The following FBXL17 variants were observed in gnomAD, a reference collection of about 807,000 sequenced individuals.
FBXL17 encodes F-box and leucine rich repeat protein 17, also known as F-box/LRR-repeat protein 17.
In FBXL17, 22 loss-of-function variants were observed where a neutral mutation model predicts 66.2. The observed-to-expected ratio is 0.33, with a 90% CI of 0.24 to 0.47. FBXL17 has a LOEUF of 0.47. Ranked by LOEUF, FBXL17 falls within the 20% of genes least tolerant of loss-of-function variation. The probability of loss-of-function intolerance (pLI) is 1.00; values close to 1 mark genes in which losing one functional copy is unlikely to be tolerated. For synonymous variants in FBXL17, 474 were observed against 400.5 expected (o/e 1.18, Z -2.19); for missense variants, 878 against 948.2 (o/e 0.93, Z 0.97).
At chr5:108,321,372 T>G (rs528725246) in intron 4 of FBXL17, among the ~76,000 whole-genome samples, 1 of 151,996 alleles carries the variant, frequency 6.6e-6, no homozygotes, top group African/African-American at 2.4e-5. Context: ...AAACGACTTC[T>G]TTCCAAGTAC....
chr5:108,321,371 C>A (rs17161236), intron 4 of FBXL17, among the ~76,000 whole-genome samples: 6,531 of 151,858 alleles, frequency 0.043, 759 homozygotes, highest in East Asian at 0.39. Flanking sequence ...AAAACGACTT[C>A]TTTCCAAGTA....
intron 5 of FBXL17, among the ~76,000 whole-genome samples, chr5:108,189,070 G>A (rs1465385048): frequency 1.3e-5 from 2 of 152,126 alleles, no homozygotes; most frequent in Non-Finnish European, 1.5e-5. Context: ...GGAGCAAAAT[G>A]GAAGGCCAAC....
intron 7 of FBXL17, among the ~76,000 whole-genome samples, chr5:107,909,790 G>A (rs1225669947): frequency 2.6e-5 from 4 of 152,248 alleles, no homozygotes; most frequent in Non-Finnish European, 4.4e-5. Flanking sequence ...GAGCCAGGCC[G>A]TCAGAATGCA....
chr5:108,293,154 T>C (rs1758192042), intron 4 of FBXL17, among the ~76,000 whole-genome samples: 1 of 151,834 alleles, frequency 6.6e-6, no homozygotes, highest in African/African-American at 2.4e-5. Context: ...CCTATATTAG[T>C]TTCTTATTAG....
intron 7 of FBXL17, among the ~76,000 whole-genome samples, chr5:108,013,120 C>A (rs1754248665): frequency 6.7e-6 from 1 of 149,660 alleles, no homozygotes; most frequent in South Asian, 2.1e-4. Context: ...TCTATTTTAT[C>A]TTTATTATTA....
intron 7 of FBXL17, among the ~76,000 whole-genome samples, chr5:107,992,089 TG>T (rs2112694794): frequency 6.2e-5 from 1 of 16,030 alleles, no homozygotes; most frequent in Admixed American, 3.6e-4. Flanking sequence ...TCATATTAAT[TG>T]TGTGTGTGTG....
At chr5:108,097,836 GTC>G (rs1444887346) in intron 6 of FBXL17, among the ~76,000 whole-genome samples, 1 of 151,618 alleles carries the variant, frequency 6.6e-6, no homozygotes, top group Non-Finnish European at 1.5e-5. Context: ...ACTACCTAGT[GTC>G]TCTCTTTCCA....
At chr5:108,309,490 A>G (rs1187811590) in intron 4 of FBXL17, among the ~76,000 whole-genome samples, 1 of 152,026 alleles carries the variant, frequency 6.6e-6, no homozygotes, top group Non-Finnish European at 1.5e-5. Flanking sequence ...ATGCCTACCA[A>G]GATGTAACTA....
chr5:108,178,987 C>G (rs1207746882), intron 6 of FBXL17, among the ~76,000 whole-genome samples: 1 of 152,144 alleles, frequency 6.6e-6, no homozygotes, highest in South Asian at 2.1e-4. Context: ...AAACCTCAGT[C>G]TCTAGGAGAA....
chr5:108,091,095 C>T (rs1038872191), intron 6 of FBXL17, among the ~76,000 whole-genome samples: 1 of 152,164 alleles, frequency 6.6e-6, no homozygotes, highest in Admixed American at 6.5e-5. Flanking sequence ...GTTAGCAGAG[C>T]AAGCTGTTAA....
chr5:108,173,269 G>C (rs1374263861), intron 6 of FBXL17, among the ~76,000 whole-genome samples: 1 of 152,042 alleles, frequency 6.6e-6, no homozygotes, highest in Non-Finnish European at 1.5e-5. Context: ...GATGGGGGAG[G>C]GATAGCTTTA....
intron 7 of FBXL17, among the ~76,000 whole-genome samples, chr5:107,883,726 T>C (rs1171169070): frequency 6.6e-6 from 1 of 152,180 alleles, no homozygotes; most frequent in Non-Finnish European, 1.5e-5. Flanking sequence ...ACCTAGCACA[T>C]GCCTCGTACA....
chr5:108,376,262 G>A (rs1167333667), intron 1 of FBXL17, among the ~76,000 whole-genome samples: 1 of 152,088 alleles, frequency 6.6e-6, no homozygotes, highest in Admixed American at 6.5e-5. Flanking sequence ...CATTGTACTG[G>A]AGATTCTGGC....
At chr5:108,253,918 G>C (rs971364509) in intron 4 of FBXL17, among the ~76,000 whole-genome samples, 5 of 152,040 alleles carry the variant, frequency 3.3e-5, no homozygotes, top group African/African-American at 1.2e-4. Flanking sequence ...ACTTGAGCCT[G>C]GGAGGCTGAG....
At chr5:108,012,872 G>A (rs534016472) in intron 7 of FBXL17, among the ~76,000 whole-genome samples, 10 of 152,034 alleles carry the variant, frequency 6.6e-5, no homozygotes, top group South Asian at 2.1e-4. Context: ...AAAATTAGCC[G>A]GGCGTGGTGG....
At chr5:108,317,150 T>G (rs1244458098) in intron 4 of FBXL17, among the ~76,000 whole-genome samples, 1 of 151,300 alleles carries the variant, frequency 6.6e-6, no homozygotes, top group African/African-American at 2.4e-5. Flanking sequence ...GTATTATGTT[T>G]TCCACTACAA....
rs914512678 is a variant in FBXL17, at chr5:107,994,521, C to T, written c.1822+26404G>A. On this transcript the variant is annotated intron_variant, in intron 7 of 8. Transcript: ENST00000542267. The stretch of plus-strand genomic sequence containing the variant: ...AAAACTGCATATTTTAAAAAATAAA[C>T]ATAAAGGGCAATAAACATACTATCA... 3.3e-5 allele frequency among the ~76,000 whole-genome samples: 5 copies of T among 151,924 alleles called. No individual in the cohort carries two copies. In the South Asian group the frequency reaches 1.0e-3, roughly 32 times the overall value.
intron 6 of FBXL17, among the ~76,000 whole-genome samples, chr5:108,104,098 C>T (rs548525722): frequency 2.0e-5 from 3 of 152,188 alleles, no homozygotes; most frequent in East Asian, 1.9e-4. Context: ...TGCAGTGGCG[C>T]GATCTTGGCT....
At chr5:108,216,221 TA>T (rs1754593935) in intron 5 of FBXL17, among the ~76,000 whole-genome samples, 2 of 152,206 alleles carry the variant, frequency 1.3e-5, no homozygotes, top group South Asian at 4.1e-4. Flanking sequence ...GATTTTCCAT[TA>T]AAAAAAGCTG....
Sources: gnomAD v4.1 joint callset for allele counts (sites outside exome capture counted in the v4.1 genomes callset) on GRCh38, gnomAD v4.1.1 for gene constraint, MANE v1.5 for transcripts, NCBI Gene and HGNC (gene_info 2026-07-23, HGNC 2026-07-21) for gene names.